The following BCAR1 variants were observed in gnomAD, a reference collection of about 807,000 sequenced individuals.
The protein encoded by BCAR1 is breast cancer anti-estrogen resistance protein 1.
BCAR1 carries 30 observed loss-of-function variants against 67.6 expected under a neutral mutation model. The observed-to-expected ratio is 0.44, with a 90% CI of 0.33 to 0.60. The LOEUF is 0.60. Ranked by LOEUF, BCAR1 falls within the 20% of genes least tolerant of loss-of-function variation. The probability of loss-of-function intolerance (pLI) is 0.02; values close to 1 mark genes in which losing one functional copy is unlikely to be tolerated. For missense variants in BCAR1, 1,313 were observed against 1,222.3 expected (o/e 1.07, Z -1.11); for synonymous variants, 626 against 556.7 (o/e 1.12, Z -1.75).
intron 2 of BCAR1, chr16:75,238,936 C>T: frequency 2.0e-6 from 2 of 985,416 alleles, no homozygotes; most frequent in Non-Finnish European, 2.4e-6. Context: ...GGACCCAGCA[C>T]CAGCAGGAGG....
intron 1 of BCAR1, chr16:75,264,447 G>T: frequency 6.6e-7 from 1 of 1,512,330 alleles, no homozygotes; most frequent in Non-Finnish European, 8.8e-7. Context: ...GGCCAGAGAA[G>T]TCCAGAACTT....
In BCAR1 at chr16:75,238,190, G is replaced by C. The variant is rs559165199; in HGVS notation, c.634-846C>G. On this transcript the variant is annotated intron_variant, in intron 2 of 6. Coordinates refer to ENST00000162330, the MANE Select transcript of BCAR1 (RefSeq NM_014567.5). ...GCCACAGGACCCCTCACCAGCACCAGCCTGAAGCGGGTAGGGGCCATGCCA... is the reference window on the plus strand; with the variant it reads ...GCCACAGGACCCCTCACCAGCACCACCCTGAAGCGGGTAGGGGCCATGCCA... 1.9e-5 allele frequency: 24 copies of C among 1,236,108 alleles called. No individual in the cohort carries two copies. In the East Asian group the frequency reaches 1.3e-3, roughly 69 times the overall value. The allele number at this position is 1,236,108 out of a possible 1,614,324, so 76.6% of individuals were successfully genotyped here.
chr16:75,250,775 G>A (rs2077656718), intron 1 of BCAR1: 1 of 985,410 alleles, frequency 1.0e-6, no homozygotes, highest in Admixed American at 6.1e-5. Context: ...TGTCCACACT[G>A]CAGAACCCGG....
upstream of BCAR1, among the ~76,000 whole-genome samples, chr16:75,254,163 C>A (rs1014811392): frequency 6.6e-6 from 1 of 152,132 alleles, no homozygotes. Flanking sequence ...CCATCCCACA[C>A]ATTTCGGGGC....
intron 1 of BCAR1, chr16:75,266,666 G>C (rs914262039): frequency 1.3e-5 from 16 of 1,255,090 alleles, no homozygotes; most frequent in Non-Finnish European, 1.6e-5. Flanking sequence ...GGCAGGCCTT[G>C]CTGATGCCCC....
intron 1 of BCAR1, chr16:75,264,389 C>T: frequency 6.5e-7 from 1 of 1,532,560 alleles, no homozygotes; most frequent in Middle Eastern, 1.7e-4. Flanking sequence ...CCTTGTCCCT[C>T]TGCCCAGTGC....
intron 1 of BCAR1, chr16:75,249,459 C>T (rs114101963): frequency 0.03 from 4,577 of 152,366 alleles, 101 homozygotes; most frequent in Middle Eastern, 0.12. Flanking sequence ...CCCTCTTACA[C>T]GGAGACCACC....
chr16:75,241,212 G>A (rs1431891790), intron 2 of BCAR1, among the ~76,000 whole-genome samples: 1 of 152,216 alleles, frequency 6.6e-6, no homozygotes, highest in Non-Finnish European at 1.5e-5. Flanking sequence ...GCGTGTTCAT[G>A]CATATGATGT....
intron 6 of BCAR1, among the ~76,000 whole-genome samples, chr16:75,232,303 G>C (rs1362523175): frequency 6.6e-6 from 1 of 152,116 alleles, no homozygotes; most frequent in African/African-American, 2.4e-5. Context: ...TGGGACTACA[G>C]GCGTGTGCCA....
intron 1 of BCAR1, chr16:75,246,190 C>G (rs937720842): frequency 6.6e-6 from 1 of 152,034 alleles, no homozygotes; most frequent in Non-Finnish European, 1.5e-5. Flanking sequence ...AGGGTGGTCT[C>G]AAACTCTTGG....
chr16:75,260,083 G>C (rs555547650), intron 1 of BCAR1, among the ~76,000 whole-genome samples: 1 of 150,564 alleles, frequency 6.6e-6, no homozygotes, highest in East Asian at 2.0e-4. Context: ...AATCCCAGCT[G>C]TTTGGGAGAC....
intron 1 of BCAR1, chr16:75,267,802 C>G (rs1180367611): frequency 5.7e-5 from 65 of 1,139,996 alleles, no homozygotes; most frequent in Non-Finnish European, 1.3e-6. Flanking sequence ...GGAGCTGGAC[C>G]CTCCAATCCA....
upstream of BCAR1, chr16:75,252,024 G>C (rs1464200066): frequency 5.9e-6 from 4 of 680,112 alleles, no homozygotes; most frequent in African/African-American, 5.4e-5. Context: ...ACCAACCCCA[G>C]GGCATTCATC....
chr16:75,258,146 C>T (rs986297672), intron 1 of BCAR1, among the ~76,000 whole-genome samples: 2 of 152,198 alleles, frequency 1.3e-5, no homozygotes, highest in East Asian at 1.9e-4. Context: ...GGCACCAGGG[C>T]GCACCTTCCC....
intron 1 of BCAR1, among the ~76,000 whole-genome samples, chr16:75,257,239 G>A (rs575593645): frequency 4.6e-5 from 7 of 152,246 alleles, no homozygotes; most frequent in Middle Eastern, 3.4e-3. Flanking sequence ...TGTACTGGGC[G>A]GAGGGGGGTG....
In BCAR1 at chr16:75,248,267, C is replaced by A. The variant is rs1002436930; in HGVS notation, c.12+3204G>T. On this transcript the variant is annotated intron_variant, in intron 1 of 6. Coordinates refer to ENST00000162330, the MANE Select transcript of BCAR1 (RefSeq NM_014567.5). ...CCACCCCTCCTGTCCACGCCCCCAACGCACACATGCACCCGCCCCAGCACA... is the reference window on the plus strand; with the variant it reads ...CCACCCCTCCTGTCCACGCCCCCAAAGCACACATGCACCCGCCCCAGCACA... 3.4e-6 allele frequency: 5 copies of A among 1,460,392 alleles called. No individual in the cohort carries two copies. The African/African-American group carries it at 7.1e-5, about 21-fold the overall frequency. 90.5% of individuals were successfully genotyped at this position (1,460,392 alleles called of 1,614,324 possible). A position where few individuals can be genotyped will look rare whatever the true frequency, so the allele number is the denominator to read the frequency against.
intron 1 of BCAR1, chr16:75,264,625 G>C (rs1446237811): frequency 1.3e-5 from 16 of 1,267,286 alleles, no homozygotes; most frequent in Non-Finnish European, 1.4e-5. Flanking sequence ...ACCACTTCTG[G>C]AGGCGAGCAG....
Position 75,229,792 on chromosome 16 carries a change from A to T in BCAR1, c.2332T>A (p.Phe778Ile), listed in dbSNP as rs1339811096. 1 of 1,613,508 alleles carries T rather than the reference A, an allele frequency of 6.2e-7. No individual in the cohort carries two copies. Among genetic ancestry groups the T allele is most frequent in the South Asian group, 1.1e-5 (1 of 91,082 alleles). Residue 778 changes from phenylalanine (F) to isoleucine (I), a missense_variant, in exon 7 of 7, where the codon TTT (phenylalanine) becomes ATT (isoleucine). Around this residue, in one of 2 missense-constraint regions of BCAR1, gnomAD observed 1,272 missense variants for 1,137.5 expected, o/e 1.12. Transcript: ENST00000162330. ...ATGACGAACTTGCTGTGCGCCACAA[A>T]GATCTTGGGCGGCTGGTTGGTGGCC... ...AVATNQPPKI[F>I]VAHSKFVILS... is the part of the protein sequence containing the mutation.
chr16:75,236,000 G>C lies in BCAR1; in HGVS notation c.913-14C>G. 6.4e-7 allele frequency: 1 copy of C among 1,558,996 alleles called. No individual in the cohort carries two copies. Among genetic ancestry groups the C allele is most frequent in the Non-Finnish European group, 8.7e-7 (1 of 1,151,736 alleles). ...AACGTCGTAGACCTGGGGGACAAGC[G>C]GTGGTCAAGACTGTCCATCTGTCCA... is the stretch of plus-strand genomic sequence containing the variant. On this transcript the variant is annotated splice_polypyrimidine_tract_variant and intron_variant, in intron 4 of 6. Coordinates refer to ENST00000162330, the MANE Select transcript of BCAR1 (RefSeq NM_014567.5).
Sources: allele counts gnomAD v4.1 joint callset (sites outside exome capture counted in the v4.1 genomes callset), GRCh38; gene constraint gnomAD v4.1.1; regional missense constraint gnomAD v4.1.1; transcripts MANE v1.5; gene names NCBI Gene and HGNC (gene_info 2026-07-23, HGNC 2026-07-21).